The following CNTNAP2 variants were observed in gnomAD, a reference collection of about 807,000 sequenced individuals.
The protein encoded by CNTNAP2 is contactin-associated protein-like 2.
CNTNAP2 carries 98 observed loss-of-function variants against 155.2 expected under a neutral mutation model. That is an observed-to-expected ratio of 0.63 (90% CI 0.54 to 0.75). The LOEUF (loss-of-function observed/expected upper bound fraction) is 0.75. Ranked by LOEUF, CNTNAP2 falls within the 30% of genes least tolerant of loss-of-function variation. The pLI is 0.00. For missense variants in CNTNAP2, 1,727 were observed against 1,688.1 expected (o/e 1.02, Z -0.40); for synonymous variants, 651 against 631.2 (o/e 1.03, Z -0.47).
chr7:148,289,350 A>C (rs1158535791), intron 21 of CNTNAP2, among the ~76,000 whole-genome samples: 1 of 152,154 alleles, frequency 6.6e-6, no homozygotes, highest in African/African-American at 2.4e-5. Flanking sequence ...TCTGCTTAAG[A>C]GATGACCTGA....
intron 10 of CNTNAP2, among the ~76,000 whole-genome samples, chr7:147,415,139 A>C (rs1797171187): frequency 6.6e-6 from 1 of 151,922 alleles, no homozygotes; most frequent in African/African-American, 2.4e-5. Flanking sequence ...CTCCCTCAAA[A>C]TGTGGTTTCA....
At chr7:146,207,808 G>A (rs1163727026) in intron 1 of CNTNAP2, among the ~76,000 whole-genome samples, 4 of 151,696 alleles carry the variant, frequency 2.6e-5, no homozygotes, top group Non-Finnish European at 5.9e-5. Context: ...TAATAATAGC[G>A]ATTAGATGAA....
chr7:147,671,974 C>T (rs971231793), intron 13 of CNTNAP2: 3 of 152,170 alleles, frequency 2.0e-5, no homozygotes, highest in Non-Finnish European at 4.4e-5. Context: ...TTCCGTATCT[C>T]CTTTTTGTAC....
chr7:146,879,106 C>T (rs1438339714), intron 3 of CNTNAP2, among the ~76,000 whole-genome samples: 3 of 152,108 alleles, frequency 2.0e-5, no homozygotes, highest in East Asian at 1.9e-4. Context: ...AAAGCAGATG[C>T]CTTCATAGGT....
intron 15 of CNTNAP2, among the ~76,000 whole-genome samples, chr7:148,022,480 A>AAAAAG (rs542894004): frequency 1.2e-4 from 16 of 138,316 alleles, no homozygotes; most frequent in East Asian, 2.1e-4. Context: ...AAAAAAAAAA[A>AAAAAG]AAAAGAAAAG....
intron 21 of CNTNAP2, among the ~76,000 whole-genome samples, chr7:148,288,953 A>G (rs927071283): frequency 2.4e-3 from 212 of 90,114 alleles, no homozygotes; most frequent in African/African-American, 8.8e-3. Flanking sequence ...GCAAAAAAAA[A>G]AAAAAAAAAA....
At position 147,173,464 on chromosome 7, in the gene CNTNAP2, T is replaced by C. The variant is rs187096453; in HGVS notation, c.1348+40955T>C. 3.9e-5 allele frequency among the ~76,000 whole-genome samples: 6 copies of C among 152,274 alleles called. No homozygotes were observed. In the East Asian group the frequency reaches 9.7e-4, roughly 24 times the overall value. ...CTTTGAATCCATTGTATGGAGGGAA[T>C]GTTATTACCTATAAAGCAGATGAGA... is the stretch of plus-strand genomic sequence containing the variant. On this transcript the variant is annotated intron_variant, in intron 8 of 23. Transcript: ENST00000361727.
intron 1 of CNTNAP2, among the ~76,000 whole-genome samples, chr7:146,729,581 ATT>A (rs1383870190): frequency 6.7e-6 from 1 of 149,430 alleles, no homozygotes; most frequent in Non-Finnish European, 1.5e-5. Flanking sequence ...GTATATATAT[ATT>A]TATTTGTATT....
At chr7:147,984,141 G>A (rs778266697) in intron 15 of CNTNAP2, among the ~76,000 whole-genome samples, 2 of 152,178 alleles carry the variant, frequency 1.3e-5, no homozygotes, top group African/African-American at 2.4e-5. Flanking sequence ...AAACTGTCAT[G>A]GCCCTGGTGG....
chr7:147,776,324 G>A (rs1345356725), intron 13 of CNTNAP2, among the ~76,000 whole-genome samples: 2 of 148,226 alleles, frequency 1.3e-5, no homozygotes, highest in East Asian at 2.0e-4. Context: ...GAAAGGCCCT[G>A]GATGACTAAA....
intron 4 of CNTNAP2, among the ~76,000 whole-genome samples, chr7:147,086,174 A>G (rs1800272582): frequency 6.6e-6 from 1 of 152,210 alleles, no homozygotes; most frequent in South Asian, 2.1e-4. Context: ...ATGTGAACGT[A>G]GTGAAAATAC....
intron 1 of CNTNAP2, among the ~76,000 whole-genome samples, chr7:146,529,850 A>G (rs2129138962): frequency 6.6e-6 from 1 of 152,200 alleles, no homozygotes; most frequent in Non-Finnish European, 1.5e-5. Flanking sequence ...CTGTAATCCC[A>G]GCTACTCAGG....
chr7:146,242,811 A>G (rs1245789539), intron 1 of CNTNAP2, among the ~76,000 whole-genome samples: 2 of 152,166 alleles, frequency 1.3e-5, no homozygotes, highest in African/African-American at 4.8e-5. Flanking sequence ...CCCTGCTTTC[A>G]TTTTCTTAAC....
chr7:147,185,864 C>T (rs1802555385), intron 8 of CNTNAP2, among the ~76,000 whole-genome samples: 1 of 152,158 alleles, frequency 6.6e-6, no homozygotes. Flanking sequence ...GAGTAAATCT[C>T]ATGATATCTG....
chr7:146,639,302 G>GCATGATGT (rs1799665328), intron 1 of CNTNAP2, among the ~76,000 whole-genome samples: 1 of 152,176 alleles, frequency 6.6e-6, no homozygotes, highest in Non-Finnish European at 1.5e-5. Flanking sequence ...ACCGGAAAAA[G>GCATGATGT]CATGATGTGA....
At chr7:147,065,397 A>G (rs888307979) in intron 4 of CNTNAP2, among the ~76,000 whole-genome samples, 21 of 152,218 alleles carry the variant, frequency 1.4e-4, no homozygotes, top group African/African-American at 4.8e-4. Context: ...TGATGTAAGT[A>G]TGAGCCTATT....
intron 23 of CNTNAP2, among the ~76,000 whole-genome samples, chr7:148,412,869 C>T (rs1029235666): frequency 6.6e-6 from 1 of 152,148 alleles, no homozygotes; most frequent in African/African-American, 2.4e-5. Flanking sequence ...TTCTTCTACT[C>T]ATAGTTTACT....
At chr7:146,811,484 T>C (rs1347841091) in intron 2 of CNTNAP2, among the ~76,000 whole-genome samples, 2 of 152,126 alleles carry the variant, frequency 1.3e-5, no homozygotes, top group African/African-American at 4.8e-5. Context: ...TTGTAATGTT[T>C]TCTTTTTCAT....
At chr7:148,189,251 T>C (rs1051496164) in intron 18 of CNTNAP2, among the ~76,000 whole-genome samples, 2 of 152,078 alleles carry the variant, frequency 1.3e-5, no homozygotes, top group Non-Finnish European at 1.5e-5. Flanking sequence ...TCCTCCAAAA[T>C]CCCTAGAAAA....
Sources: allele counts gnomAD v4.1 joint callset (sites outside exome capture counted in the v4.1 genomes callset), GRCh38; gene constraint gnomAD v4.1.1; transcripts MANE v1.5; gene names NCBI Gene and HGNC (gene_info 2026-07-23, HGNC 2026-07-21).